Variants in SORCS1 observed in about 807,000 individuals in gnomAD.
SORCS1 encodes VPS10 domain-containing receptor SorCS1.
In SORCS1, 60 loss-of-function variants were observed where a neutral mutation model predicts 146.1. The ratio of observed to expected loss-of-function variants is 0.41; its 90% confidence interval spans 0.33 to 0.51. The LOEUF is 0.51. Ranked by LOEUF, SORCS1 falls within the 20% of genes least tolerant of loss-of-function variation. The pLI is 0.21. For synonymous variants in SORCS1, 637 were observed against 584.0 expected, an observed-to-expected ratio of 1.09 and a Z score of -1.31; for missense variants, 1,352 against 1,487.6, an observed-to-expected ratio of 0.91 and a Z score of 1.50.
rs1844598668 is a variant in SORCS1 at position 106,576,763 on chromosome 10, G to A, written c.*657C>T. 1 of 156,050 alleles carries A rather than the reference G, an allele frequency of 6.4e-6. No individual in the cohort carries two copies. Among genetic ancestry groups the A allele is most frequent in the Non-Finnish European group, 1.4e-5 (1 of 70,676 alleles). 9.7% of individuals were successfully genotyped at this position (156,050 alleles called of 1,614,324 possible). ...GAAGGGAAATGACAGTATGGAAAGT[G>A]GAACAGAGAAACAGCTCAGGGTTTC... On this transcript the variant is annotated 3_prime_UTR_variant, in exon 26 of 26. Transcript: ENST00000263054.
At chr10:106,882,150 T>C (rs1374741838) in intron 2 of SORCS1, among the ~76,000 whole-genome samples, 1 of 152,196 alleles carries the variant, frequency 6.6e-6, no homozygotes, top group East Asian at 1.9e-4. Flanking sequence ...AATCTGAGCA[T>C]ACTATTGGGA....
chr10:106,880,400 C>T (rs971837446), intron 2 of SORCS1, among the ~76,000 whole-genome samples: 1 of 152,020 alleles, frequency 6.6e-6, no homozygotes, highest in Non-Finnish European at 1.5e-5. Context: ...CAAAATTTTT[C>T]AGTTGAAGAG....
chr10:107,030,479 C>G (rs1459912119), intron 1 of SORCS1, among the ~76,000 whole-genome samples: 1 of 152,204 alleles, frequency 6.6e-6, no homozygotes, highest in Non-Finnish European at 1.5e-5. Flanking sequence ...GTTCTCCACA[C>G]CCATAGCTCT....
intron 2 of SORCS1, among the ~76,000 whole-genome samples, chr10:106,947,725 A>G (rs951906083): frequency 6.6e-6 from 1 of 152,172 alleles, no homozygotes; most frequent in African/African-American, 2.4e-5. Context: ...AGGCACCTGC[A>G]ATCCCAGCTA....
At chr10:106,606,540 C>CT (rs1170225466) in intron 23 of SORCS1, among the ~76,000 whole-genome samples, 1 of 152,188 alleles carries the variant, frequency 6.6e-6, no homozygotes, top group Non-Finnish European at 1.5e-5. Context: ...CAGCAACTTG[C>CT]TTTTTTTTCC....
chr10:106,752,018 ATGTCATTTT>A (rs1303362262), intron 5 of SORCS1, among the ~76,000 whole-genome samples: 5 of 152,246 alleles, frequency 3.3e-5, no homozygotes, highest in African/African-American at 1.2e-4. Flanking sequence ...TAATGATAAT[ATGTCATTTT>A]TAATGCTAAA....
chr10:107,054,862 C>A (rs968963340), intron 1 of SORCS1, among the ~76,000 whole-genome samples: 4 of 152,182 alleles, frequency 2.6e-5, no homozygotes, highest in Non-Finnish European at 4.4e-5. Flanking sequence ...TAATAGTGAA[C>A]TTTCCTCCTC....
chr10:107,126,901 T>C (rs562613587), intron 1 of SORCS1, among the ~76,000 whole-genome samples: 1 of 152,240 alleles, frequency 6.6e-6, no homozygotes, highest in East Asian at 1.9e-4. Flanking sequence ...ATTGGGAGAA[T>C]ACTTGTAAGC....
chr10:106,863,107 G>A (rs544611857), intron 2 of SORCS1, among the ~76,000 whole-genome samples: 1 of 152,006 alleles, frequency 6.6e-6, no homozygotes, highest in Admixed American at 6.6e-5. Flanking sequence ...AAACAAAGAG[G>A]GCTACAAATG....
At chr10:106,699,909 T>C (rs759159277) in intron 8 of SORCS1, among the ~76,000 whole-genome samples, 3 of 152,176 alleles carry the variant, frequency 2.0e-5, no homozygotes, top group Admixed American at 6.5e-5. Flanking sequence ...AATGTGCATT[T>C]AATAAGATTG....
chr10:107,124,906 C>T (rs944803220), intron 1 of SORCS1, among the ~76,000 whole-genome samples: 2 of 151,870 alleles, frequency 1.3e-5, no homozygotes, highest in Non-Finnish European at 2.9e-5. Flanking sequence ...AATTCTACCT[C>T]ACTGCCCACT....
chr10:107,039,125 C>G (rs940857086), intron 1 of SORCS1, among the ~76,000 whole-genome samples: 1 of 151,682 alleles, frequency 6.6e-6, no homozygotes, highest in Non-Finnish European at 1.5e-5. Context: ...GTCAGGAGAT[C>G]GAGACCATCC....
intron 18 of SORCS1, among the ~76,000 whole-genome samples, chr10:106,630,107 G>A (rs1848353010): frequency 6.6e-6 from 1 of 152,044 alleles, no homozygotes; most frequent in African/African-American, 2.4e-5. Context: ...ACATGGTAAT[G>A]GACCACTCCA....
intron 2 of SORCS1, among the ~76,000 whole-genome samples, chr10:106,902,127 AG>A (rs1327285191): frequency 2.6e-5 from 4 of 152,240 alleles, no homozygotes; most frequent in Non-Finnish European, 5.9e-5. Flanking sequence ...TCATGTAATT[AG>A]TAAAATAGGC....
intron 2 of SORCS1, among the ~76,000 whole-genome samples, chr10:106,953,181 G>A (rs997235382): frequency 8.0e-5 from 12 of 150,438 alleles, no homozygotes; most frequent in African/African-American, 2.2e-4. Flanking sequence ...GTGTGCATGC[G>A]TGTGTGTATA....
intron 1 of SORCS1, among the ~76,000 whole-genome samples, chr10:107,027,016 A>ATG (rs1328305417): frequency 6.1e-5 from 8 of 130,972 alleles, no homozygotes; most frequent in Non-Finnish European, 9.6e-5. Flanking sequence ...TCAGGGGTAT[A>ATG]TGTGTATATA....
At chr10:106,726,183 C>CTCTCTTTTTTT (rs1856152361) in intron 6 of SORCS1, among the ~76,000 whole-genome samples, 1 of 63,522 alleles carries the variant, frequency 1.6e-5, no homozygotes, top group Non-Finnish European at 3.3e-5. Context: ...CTCTTTCCCT[C>CTCTCTTTTTTT]TCTTTTTTTT....
At chr10:106,693,901 C>T (rs147694347) in intron 9 of SORCS1, among the ~76,000 whole-genome samples, 228 of 152,268 alleles carry the variant, frequency 1.5e-3, no homozygotes, top group Non-Finnish European at 2.6e-3. Flanking sequence ...CTTATTTCTG[C>T]CTTTAATGCT....
intron 24 of SORCS1, among the ~76,000 whole-genome samples, chr10:106,581,024 C>G (rs192817153): frequency 6.6e-6 from 1 of 152,232 alleles, no homozygotes; most frequent in East Asian, 1.9e-4. Context: ...CGTGGAACGC[C>G]CAAGGCAAAT....
Sources: gnomAD v4.1 joint callset for allele counts (sites outside exome capture counted in the v4.1 genomes callset) on GRCh38, gnomAD v4.1.1 for gene constraint, MANE v1.5 for transcripts, NCBI Gene and HGNC (gene_info 2026-07-23, HGNC 2026-07-21) for gene names.